The following HIBADH variants were observed in gnomAD, a reference collection of about 807,000 sequenced individuals.
HIBADH encodes 3-hydroxyisobutyrate dehydrogenase, mitochondrial.
Under a neutral mutation model 36.1 loss-of-function variants are expected in HIBADH, and 25 were observed. That is an observed-to-expected ratio of 0.69 (90% CI 0.50 to 0.97). The LOEUF (loss-of-function observed/expected upper bound fraction) is 0.97. Among genes scored for constraint, HIBADH ranks in the 50% least tolerant of loss-of-function variants. The probability of loss-of-function intolerance (pLI) is 0.00; values close to 1 mark genes in which losing one functional copy is unlikely to be tolerated. For missense variants in HIBADH, 421 were observed against 418.0 expected (o/e 1.01, Z -0.06); for synonymous variants, 160 against 149.5 (o/e 1.07, Z -0.51).
chr7:27,532,571 T>C (rs79191420), intron 6 of HIBADH, among the ~76,000 whole-genome samples: 4,463 of 152,300 alleles, frequency 0.029, 200 homozygotes, highest in African/African-American at 0.1. Flanking sequence ...AATACAACTG[T>C]TATGTAATCA....
chr7:27,613,156 AATAT>A (rs1425490175), intron 4 of HIBADH, among the ~76,000 whole-genome samples: 1 of 9,466 alleles, frequency 1.1e-4, no homozygotes, highest in Non-Finnish European at 1.7e-4. Flanking sequence ...ATTTTATATA[AATAT>A]ATATATTTAT....
At chr7:27,531,130 G>A in intron 7 of HIBADH, 62 bp downstream of exon 7, 3 of 1,447,242 alleles carry the variant, frequency 2.1e-6, no homozygotes, top group Non-Finnish European at 2.8e-6. Flanking sequence ...GAAAGAGAAG[G>A]AAGGTGTTAT....
intron 4 of HIBADH, among the ~76,000 whole-genome samples, chr7:27,548,792 A>T (rs1208039794): frequency 2.0e-5 from 3 of 152,170 alleles, no homozygotes; most frequent in Non-Finnish European, 4.4e-5. Context: ...ATCACATACC[A>T]AGTGTCAGAT....
intron 4 of HIBADH, among the ~76,000 whole-genome samples, chr7:27,595,389 G>A (rs1030654534): frequency 2.0e-5 from 3 of 152,022 alleles, no homozygotes; most frequent in South Asian, 4.1e-4. Flanking sequence ...ATTGTGGTAC[G>A]TGCCTGTAAT....
chr7:27,527,058 CAAT>C (rs60699795), intron 7 of HIBADH, among the ~76,000 whole-genome samples: 117,515 of 151,830 alleles, frequency 0.77, 46,200 homozygotes, highest in East Asian at 0.94. Flanking sequence ...TCCTGGCAGA[CAAT>C]GTGACAGCAA....
chr7:27,583,744 A>C (rs1228031899), intron 4 of HIBADH, among the ~76,000 whole-genome samples: 2 of 151,942 alleles, frequency 1.3e-5, no homozygotes, highest in African/African-American at 2.4e-5. Flanking sequence ...GGATTTCTTT[A>C]TACTCTTTAA....
intron 1 of HIBADH, among the ~76,000 whole-genome samples, chr7:27,660,565 T>G (rs1786395322): frequency 6.6e-6 from 1 of 151,830 alleles, no homozygotes; most frequent in African/African-American, 2.4e-5. Context: ...CTCCGGAGGC[T>G]GAGGCAGGAG....
chr7:27,537,571 ATATT>A (rs1334685622), intron 6 of HIBADH, among the ~76,000 whole-genome samples: 11 of 152,302 alleles, frequency 7.2e-5, no homozygotes, highest in Non-Finnish European at 1.3e-4. Flanking sequence ...TAAGAAATGT[ATATT>A]TATTATTTTC....
chr7:27,636,221 C>T (rs1785839254), intron 2 of HIBADH, among the ~76,000 whole-genome samples: 1 of 152,148 alleles, frequency 6.6e-6, no homozygotes, highest in Non-Finnish European at 1.5e-5. Flanking sequence ...CTAGATAAAA[C>T]AGTCACATAA....
At chr7:27,658,012 C>T (rs1302802698) in intron 1 of HIBADH, among the ~76,000 whole-genome samples, 2 of 152,102 alleles carry the variant, frequency 1.3e-5, no homozygotes, top group Non-Finnish European at 2.9e-5. Context: ...ATGCCAACTG[C>T]CCCTTTTTGC....
chr7:27,572,706 T>C (rs1033701748), intron 4 of HIBADH, among the ~76,000 whole-genome samples: 4 of 152,158 alleles, frequency 2.6e-5, no homozygotes, highest in Non-Finnish European at 4.4e-5. Flanking sequence ...CTCATAAAAA[T>C]ATTTATTATC....
At chr7:27,526,786 G>T (rs73686425) in intron 7 of HIBADH, among the ~76,000 whole-genome samples, 2,960 of 152,274 alleles carry the variant, frequency 0.019, 92 homozygotes, top group African/African-American at 0.063. Context: ...AATATTTGAA[G>T]TGTGCTGACA....
chr7:27,541,556 C>G (rs745444885), intron 5 of HIBADH, among the ~76,000 whole-genome samples: 1 of 152,182 alleles, frequency 6.6e-6, no homozygotes, highest in African/African-American at 2.4e-5. Context: ...TCTTTGTTTA[C>G]AATGGTCCTT....
chr7:27,542,930 C>T lies in HIBADH; in HGVS notation c.618+37G>A, dbSNP rs766978826. The T allele has an allele frequency of 3.8e-6, 6 of 1,593,290 alleles. No individual in the cohort carries two copies. The South Asian group carries it at 6.8e-5, about 18-fold the overall frequency. On this transcript the variant is annotated intron_variant, in intron 5 of 7. Transcript: ENST00000265395. The stretch of plus-strand genomic sequence containing the variant: ...GAGAAAGGAACATTAGTCAATTTTA[C>T]ATCATCAAGTCAAGGTCATTAATGT...
intron 4 of HIBADH, among the ~76,000 whole-genome samples, chr7:27,560,587 A>G (rs1245396332): frequency 6.6e-6 from 1 of 152,080 alleles, no homozygotes; most frequent in Non-Finnish European, 1.5e-5. Flanking sequence ...TTCTTCTTTT[A>G]TTGTTAGCCT....
chr7:27,550,041 G>A (rs1427859109), intron 4 of HIBADH, among the ~76,000 whole-genome samples: 1 of 152,048 alleles, frequency 6.6e-6, no homozygotes, highest in Non-Finnish European at 1.5e-5. Context: ...CCGAGTAGCT[G>A]GGACTATGGG....
chr7:27,526,614 T>C (rs555609274), intron 7 of HIBADH, among the ~76,000 whole-genome samples: 13 of 152,358 alleles, frequency 8.5e-5, no homozygotes, highest in African/African-American at 3.1e-4. Flanking sequence ...CAATACCTGT[T>C]TGTTTTGTTC....
chr7:27,561,447 TA>T (rs1250655228), intron 4 of HIBADH, among the ~76,000 whole-genome samples: 3 of 152,206 alleles, frequency 2.0e-5, no homozygotes, highest in African/African-American at 7.2e-5. Flanking sequence ...TTTTTACTAC[TA>T]ATTACATTGC....
At chr7:27,582,748 C>T (rs1231686661) in intron 4 of HIBADH, among the ~76,000 whole-genome samples, 2 of 151,978 alleles carry the variant, frequency 1.3e-5, no homozygotes, top group South Asian at 2.1e-4. Context: ...TCTTTGTGTC[C>T]GTATGGTGGT....
Sources: gnomAD v4.1 joint callset for allele counts (sites outside exome capture counted in the v4.1 genomes callset) on GRCh38, gnomAD v4.1.1 for gene constraint, MANE v1.5 for transcripts, NCBI Gene and HGNC (gene_info 2026-07-23, HGNC 2026-07-21) for gene names.